Variants in COL5A2 observed in about 807,000 individuals in gnomAD.
COL5A2 encodes collagen alpha-2(V) chain.
Under a neutral mutation model 208.2 loss-of-function variants are expected in COL5A2, and 23 were observed. The observed-to-expected ratio is 0.11, with a 90% CI of 0.08 to 0.16. The LOEUF is 0.16. Among genes scored for constraint, COL5A2 ranks in the 10% least tolerant of loss-of-function variants. The pLI is 1.00. For synonymous variants in COL5A2, 625 were observed against 628.5 expected, an observed-to-expected ratio of 0.99 and a Z score of 0.08; for missense variants, 1,590 against 1,956.4, an observed-to-expected ratio of 0.81 and a Z score of 3.53.
intron 1 of COL5A2, among the ~76,000 whole-genome samples, chr2:189,176,562 A>C (rs556492930): frequency 3.0e-4 from 46 of 152,328 alleles, no homozygotes; most frequent in African/African-American, 1.1e-3. Context: ...GCCTACTTCT[A>C]ATAACAAGAA....
At chr2:189,135,572 G>A (rs752360826) in intron 1 of COL5A2, among the ~76,000 whole-genome samples, 9 of 152,108 alleles carry the variant, frequency 5.9e-5, no homozygotes, top group African/African-American at 1.2e-4. Flanking sequence ...TTCATAATCC[G>A]TAGGCTAATG....
intron 1 of COL5A2, among the ~76,000 whole-genome samples, chr2:189,222,904 G>A (rs987470702): frequency 2.0e-5 from 3 of 152,124 alleles, no homozygotes; most frequent in Non-Finnish European, 4.4e-5. Flanking sequence ...GGTCCTGAAA[G>A]CTACTTCATA....
rs1174170633 is a variant in COL5A2, at chr2:189,048,373, A to G, written c.3148-111T>C. 9.7e-6 allele frequency: 9 copies of G among 927,236 alleles called. No homozygotes were observed. In the South Asian group the frequency reaches 1.3e-4, roughly 13 times the overall value. The allele number at this position is 927,236 out of a possible 1,614,324, so 57.4% of individuals were successfully genotyped here. On this transcript the variant is annotated intron_variant, in intron 44 of 53. Coordinates refer to ENST00000374866, the MANE Select transcript of COL5A2 (RefSeq NM_000393.5). ...TTACACCTGTGTTTTATAAACTGTC[A>G]GTTAGCATTTATGCAAATGTCAGCA...
intron 1 of COL5A2, among the ~76,000 whole-genome samples, chr2:189,129,406 T>C (rs1223771096): frequency 6.6e-6 from 1 of 152,050 alleles, no homozygotes; most frequent in Non-Finnish European, 1.5e-5. Flanking sequence ...TGAAAACTGA[T>C]TTTTCAATGA....
chr2:189,157,186 T>C (rs902180147), intron 1 of COL5A2, among the ~76,000 whole-genome samples: 15 of 105,094 alleles, frequency 1.4e-4, no homozygotes, highest in Non-Finnish European at 2.7e-4. Context: ...TATATATAGC[T>C]TAGCACATGA....
the COL5A2 span, among the ~76,000 whole-genome samples, chr2:189,344,572 C>T: frequency 2.0e-5 from 3 of 152,088 alleles, no homozygotes; most frequent in Non-Finnish European, 4.4e-5. Context: ...CAAGCAAGTC[C>T]CAAGAATATC....
At chr2:189,314,170 G>A in the COL5A2 span, among the ~76,000 whole-genome samples, 72 of 152,148 alleles carry the variant, frequency 4.7e-4, no homozygotes, top group Non-Finnish European at 9.0e-4. Flanking sequence ...GGCACTTACT[G>A]TAAAATCAAT....
At chr2:189,380,264 G>A in the COL5A2 span, among the ~76,000 whole-genome samples, 10 of 151,964 alleles carry the variant, frequency 6.6e-5, no homozygotes, top group Admixed American at 2.6e-4. Context: ...TCCCTTATTT[G>A]GGATGTACTT....
chr2:189,317,612 C>T, the COL5A2 span, among the ~76,000 whole-genome samples: 2 of 152,070 alleles, frequency 1.3e-5, no homozygotes, highest in Admixed American at 6.6e-5. Context: ...ACCAAATTTA[C>T]AAAACCACTC....
At chr2:189,137,842 G>A (rs1018432551) in intron 1 of COL5A2, among the ~76,000 whole-genome samples, 3 of 152,168 alleles carry the variant, frequency 2.0e-5, no homozygotes, top group African/African-American at 7.2e-5. Context: ...TTAAAGAGAA[G>A]ATAGAAATCA....
At chr2:189,066,555 T>G in intron 22 of COL5A2, 58 bp from the exon 23 acceptor site, 4 of 1,558,754 alleles carry the variant, frequency 2.6e-6, no homozygotes, top group Non-Finnish European at 3.5e-6. Context: ...GAATTATAGT[T>G]GGAAGCCTAA....
At chr2:189,272,630 T>C in the COL5A2 span, among the ~76,000 whole-genome samples, 1 of 152,188 alleles carries the variant, frequency 6.6e-6, no homozygotes, top group Non-Finnish European at 1.5e-5. Context: ...CTGCATGTTC[T>C]GCACATGTAT....
At chr2:189,067,729 T>C (rs1405646431) in intron 21 of COL5A2, among the ~76,000 whole-genome samples, 1 of 152,196 alleles carries the variant, frequency 6.6e-6, no homozygotes, top group Non-Finnish European at 1.5e-5. Flanking sequence ...TAATATTTAT[T>C]ATTCAATTAT....
At chr2:189,085,597 A>G (rs1576516827) in intron 10 of COL5A2, 122 bp downstream of exon 10, 4 of 812,180 alleles carry the variant, frequency 4.9e-6, no homozygotes, top group East Asian at 5.3e-5. Context: ...AGGACTCCCA[A>G]ACTGGATTGT....
chr2:189,304,419 AG>A, the COL5A2 span, among the ~76,000 whole-genome samples: 1 of 152,206 alleles, frequency 6.6e-6, no homozygotes, highest in South Asian at 2.1e-4. Context: ...TAAAGAAAAG[AG>A]GTTTAATTGG....
At chr2:189,243,536 C>T in the COL5A2 span, among the ~76,000 whole-genome samples, 1 of 152,056 alleles carries the variant, frequency 6.6e-6, no homozygotes, top group African/African-American at 2.4e-5. Flanking sequence ...GGGAAAGACC[C>T]ACCCCTATGA....
At chr2:189,352,430 C>T in the COL5A2 span, among the ~76,000 whole-genome samples, 1 of 152,204 alleles carries the variant, frequency 6.6e-6, no homozygotes, top group Non-Finnish European at 1.5e-5. Flanking sequence ...AGTGTAAAAT[C>T]ATACCAATTT....
chr2:189,088,016 T>C (rs1410274317), intron 8 of COL5A2, among the ~76,000 whole-genome samples: 8 of 151,932 alleles, frequency 5.3e-5, no homozygotes, highest in Admixed American at 5.2e-4. Context: ...GAAGGGGTGG[T>C]TATCTATGAG....
the COL5A2 span, among the ~76,000 whole-genome samples, chr2:189,296,626 T>C: frequency 6.6e-6 from 1 of 152,200 alleles, no homozygotes; most frequent in African/African-American, 2.4e-5. Flanking sequence ...GGTTTTGCCT[T>C]AGTCCAAATG....
Sources: allele counts gnomAD v4.1 joint callset (sites outside exome capture counted in the v4.1 genomes callset), GRCh38; gene constraint gnomAD v4.1.1; transcripts MANE v1.5; gene names NCBI Gene and HGNC (gene_info 2026-07-23, HGNC 2026-07-21).